The following MYOF variants were observed in gnomAD, a reference collection of about 807,000 sequenced individuals.
The protein encoded by MYOF is fer-1-like 3, myoferlin.
Under a neutral mutation model 284.2 loss-of-function variants are expected in MYOF, and 244 were observed. The ratio of observed to expected loss-of-function variants is 0.86; its 90% confidence interval spans 0.77 to 0.95. The LOEUF (loss-of-function observed/expected upper bound fraction) is 0.95, where lower values mean the gene tolerates loss of function less well. Among genes scored for constraint, MYOF ranks in the 40% least tolerant of loss-of-function variants. The probability of loss-of-function intolerance (pLI) is 0.00; values close to 1 mark genes in which losing one functional copy is unlikely to be tolerated. For synonymous variants in MYOF, 904 were observed against 919.7 expected, an observed-to-expected ratio of 0.98 and a Z score of 0.31; for missense variants, 2,496 against 2,560.6, an observed-to-expected ratio of 0.97 and a Z score of 0.54.
chr10:93,324,145 T>A (rs1016837706), intron 46 of MYOF: 8 of 152,226 alleles, frequency 5.3e-5, no homozygotes, highest in African/African-American at 1.9e-4. Flanking sequence ...CTGACTCGAA[T>A]GTTCTTCCAG....
intron 38 of MYOF, among the ~76,000 whole-genome samples, chr10:93,342,662 G>T (rs1043454573): frequency 1.3e-5 from 2 of 152,196 alleles, no homozygotes; most frequent in African/African-American, 4.8e-5. Context: ...TTCTTCTCCT[G>T]TTCCTCAGTT....
chr10:93,373,144 G>T, intron 23 of MYOF, 59 bp from the exon 24 acceptor site: 1 of 1,601,434 alleles, frequency 6.2e-7, no homozygotes, highest in Non-Finnish European at 8.6e-7. Flanking sequence ...AAATGGAGAG[G>T]GACCGAAGAC....
At chr10:93,345,450 G>A (rs981531473) in intron 37 of MYOF, among the ~76,000 whole-genome samples, 1 of 152,148 alleles carries the variant, frequency 6.6e-6, no homozygotes, top group Admixed American at 6.5e-5. Flanking sequence ...GGGGGATAGC[G>A]GGGAGGAGGG....
intron 1 of MYOF, among the ~76,000 whole-genome samples, chr10:93,463,431 ACT>A (rs2056930583): frequency 9.2e-6 from 1 of 108,942 alleles, no homozygotes; most frequent in South Asian, 3.3e-4. Flanking sequence ...AGGGAGTCTC[ACT>A]CTGTCGCCCA....
intron 3 of MYOF, among the ~76,000 whole-genome samples, chr10:93,439,623 G>A (rs867414585): frequency 7.2e-5 from 11 of 152,300 alleles, no homozygotes; most frequent in Middle Eastern, 3.4e-3. Context: ...TAACTTCTCC[G>A]AGCTTCAGTT....
At chr10:93,333,971 C>T in intron 41 of MYOF, 58 bp from the exon 42 acceptor site, 1 of 1,552,552 alleles carries the variant, frequency 6.4e-7, no homozygotes, top group Non-Finnish European at 8.7e-7. Context: ...TAGAGGGCTC[C>T]TGGGAAGTCC....
chr10:93,394,274 G>A (rs1355945458), intron 16 of MYOF, among the ~76,000 whole-genome samples: 1 of 151,214 alleles, frequency 6.6e-6, no homozygotes. Flanking sequence ...GCTAATTTTT[G>A]TATTTTTAGT....
At position 93,328,896 on chromosome 10, in the gene MYOF, G is replaced by C. The variant is rs34731189; in HGVS notation, c.4998C>G (p.Thr1666=). 2.5e-3 allele frequency: 4,011 copies of C among 1,610,638 alleles called. 79 individuals are homozygous for C. In the African/African-American group the frequency reaches 0.048, roughly 19 times the overall value. ...GTGTTGGTCTCAGTTGATCTCGCCA[G>C]GTATTGACTCCAGAACTGTGAATAG... ...PEEYCVSGVN[T]WRDQLRPTQL... Residue 1666 remains threonine, a synonymous_variant, in exon 45 of 54, where the codon ACC becomes ACG. Transcript: ENST00000359263.
At chr10:93,406,972 G>C (rs570446273) in intron 7 of MYOF, among the ~76,000 whole-genome samples, 9 of 152,214 alleles carry the variant, frequency 5.9e-5, no homozygotes, top group African/African-American at 1.9e-4. Flanking sequence ...CCAGAAATGT[G>C]TCTCCTCAGC....
intron 5 of MYOF, among the ~76,000 whole-genome samples, chr10:93,420,866 G>C (rs759598325): frequency 2.6e-5 from 4 of 152,166 alleles, no homozygotes; most frequent in Non-Finnish European, 5.9e-5. Context: ...ATATAAATCA[G>C]AAGAAGCAGA....
chr10:93,392,214 A>G (rs377181400), intron 17 of MYOF, among the ~76,000 whole-genome samples: 1 of 152,198 alleles, frequency 6.6e-6, no homozygotes, highest in African/African-American at 2.4e-5. Context: ...ATTTGCACAC[A>G]GCTTCAGAGT....
At chr10:93,330,494 T>C (rs1012010786) in intron 43 of MYOF, among the ~76,000 whole-genome samples, 1 of 152,160 alleles carries the variant, frequency 6.6e-6, no homozygotes, top group Non-Finnish European at 1.5e-5. Context: ...TAGGGTGTGA[T>C]ATGTAGGGTG....
At chr10:93,310,417 T>A in intron 52 of MYOF, 117 bp downstream of exon 52, 1 of 1,089,976 alleles carries the variant, frequency 9.2e-7, no homozygotes, top group Non-Finnish European at 1.3e-6. Flanking sequence ...CACCCACCAC[T>A]ATTAAATACC....
intron 19 of MYOF, among the ~76,000 whole-genome samples, chr10:93,382,522 T>C (rs1846174096): frequency 6.6e-6 from 1 of 152,228 alleles, no homozygotes; most frequent in Non-Finnish European, 1.5e-5. Context: ...TTTTTCTTTT[T>C]AAATTACTGG....
chr10:93,439,090 A>G (rs1233327444), intron 3 of MYOF, among the ~76,000 whole-genome samples: 1 of 152,220 alleles, frequency 6.6e-6, no homozygotes, highest in East Asian at 1.9e-4. Context: ...AGGCTGTGGC[A>G]GGATTTGCAC....
At chr10:93,396,258 T>C (rs2134064960) in intron 15 of MYOF, 34 bp from the exon 16 acceptor site, 4 of 1,478,732 alleles carry the variant, frequency 2.7e-6, no homozygotes, top group Admixed American at 3.9e-5. Context: ...AAATAAAAAA[T>C]AAAAGGTTCA....
intron 25 of MYOF, among the ~76,000 whole-genome samples, chr10:93,368,489 G>A (rs1289252046): frequency 6.6e-6 from 1 of 152,182 alleles, no homozygotes; most frequent in Non-Finnish European, 1.5e-5. Context: ...ACCAGGCTTG[G>A]CTTCTTCATC....
intron 7 of MYOF, among the ~76,000 whole-genome samples, chr10:93,405,326 A>G (rs576505880): frequency 2.0e-5 from 3 of 152,374 alleles, no homozygotes; most frequent in South Asian, 4.1e-4. Context: ...TTAGCTTTTC[A>G]AAGAAATCTA....
At chr10:93,415,158 G>A (rs1302139203) in intron 5 of MYOF, among the ~76,000 whole-genome samples, 1 of 152,026 alleles carries the variant, frequency 6.6e-6, no homozygotes, top group Non-Finnish European at 1.5e-5. Context: ...CCATGTCTTT[G>A]CTTTACCCCT....
Sources: allele counts gnomAD v4.1 joint callset (sites outside exome capture counted in the v4.1 genomes callset), GRCh38; gene constraint gnomAD v4.1.1; transcripts MANE v1.5; gene names NCBI Gene and HGNC (gene_info 2026-07-23, HGNC 2026-07-21).